The following PIP5K1B variants were observed in gnomAD, a reference collection of about 807,000 sequenced individuals.
The protein encoded by PIP5K1B is phosphatidylinositol 4-phosphate 5-kinase type-1 beta.
In PIP5K1B, 42 loss-of-function variants were observed where a neutral mutation model predicts 67.0. That is an observed-to-expected ratio of 0.63 (90% CI 0.49 to 0.81). The LOEUF (loss-of-function observed/expected upper bound fraction) is 0.81. Ranked by LOEUF, PIP5K1B falls within the 30% of genes least tolerant of loss-of-function variation. PIP5K1B has a pLI of 0.00. For synonymous variants in PIP5K1B, 214 were observed against 231.4 expected (o/e 0.92, Z 0.68); for missense variants, 459 against 646.3 (o/e 0.71, Z 3.14).
chr9:68,948,044 C>A (rs1421279770), intron 14 of PIP5K1B, among the ~76,000 whole-genome samples: 2 of 152,198 alleles, frequency 1.3e-5, no homozygotes, highest in Non-Finnish European at 2.9e-5. Context: ...ACCACCCCTG[C>A]AACATCTTAT....
At chr9:68,973,679 G>A (rs959986903) in intron 14 of PIP5K1B, among the ~76,000 whole-genome samples, 1 of 152,206 alleles carries the variant, frequency 6.6e-6, no homozygotes, top group Non-Finnish European at 1.5e-5. Context: ...TTTCTGGAAG[G>A]TAGGATTTAT....
At chr9:69,000,169 A>G (rs1418164895) in intron 15 of PIP5K1B, among the ~76,000 whole-genome samples, 1 of 152,140 alleles carries the variant, frequency 6.6e-6, no homozygotes, top group Non-Finnish European at 1.5e-5. Context: ...TTGGGATTCA[A>G]CACAGAAAAT....
intron 1 of PIP5K1B, among the ~76,000 whole-genome samples, chr9:68,733,596 T>C (rs962496029): frequency 6.6e-6 from 1 of 151,660 alleles, no homozygotes; most frequent in Non-Finnish European, 1.5e-5. Context: ...TCTTTTCTTC[T>C]GAGATCCCCA....
intron 15 of PIP5K1B, among the ~76,000 whole-genome samples, chr9:68,998,113 C>G (rs1218336390): frequency 6.6e-6 from 1 of 150,586 alleles, no homozygotes; most frequent in Non-Finnish European, 1.5e-5. Flanking sequence ...CTCTGTTGCC[C>G]AGGCAGAAGT....
chr9:68,998,836 A>G (rs1346893506), intron 15 of PIP5K1B, among the ~76,000 whole-genome samples: 1 of 152,232 alleles, frequency 6.6e-6, no homozygotes, highest in Non-Finnish European at 1.5e-5. Context: ...TATAAAAAAT[A>G]AAGCCCCCCA....
intron 8 of PIP5K1B, among the ~76,000 whole-genome samples, chr9:68,903,063 A>C (rs1212164852): frequency 6.6e-6 from 1 of 152,210 alleles, no homozygotes; most frequent in African/African-American, 2.4e-5. Context: ...GTGAGACTTC[A>C]TCTAAATCTA....
At chr9:68,795,569 G>T (rs758324564) in intron 2 of PIP5K1B, among the ~76,000 whole-genome samples, 1 of 152,172 alleles carries the variant, frequency 6.6e-6, no homozygotes, top group East Asian at 1.9e-4. Context: ...GATAGATAAC[G>T]CTTGGAAAAT....
intron 14 of PIP5K1B, among the ~76,000 whole-genome samples, chr9:68,961,803 C>T (rs1828763606): frequency 6.6e-6 from 1 of 152,166 alleles, no homozygotes; most frequent in African/African-American, 2.4e-5. Context: ...AATCTAGAGA[C>T]CTTCTGTTCC....
chr9:68,971,707 T>C (rs1294496500), intron 14 of PIP5K1B, among the ~76,000 whole-genome samples: 6 of 152,272 alleles, frequency 3.9e-5, no homozygotes, highest in Non-Finnish European at 8.8e-5. Flanking sequence ...TGAGATGGTA[T>C]CTCATTGTGG....
At chr9:68,979,398 C>T (rs1221597379) in intron 14 of PIP5K1B, among the ~76,000 whole-genome samples, 1 of 152,230 alleles carries the variant, frequency 6.6e-6, no homozygotes, top group Non-Finnish European at 1.5e-5. Context: ...GCTAGCTTTA[C>T]ACCTGTGCTT....
At chr9:68,718,673 T>C (rs1288198582) in intron 1 of PIP5K1B, among the ~76,000 whole-genome samples, 1 of 152,246 alleles carries the variant, frequency 6.6e-6, no homozygotes, top group African/African-American at 2.4e-5. Context: ...CATTGTCTCA[T>C]CTGTCCCTGA....
At chr9:68,921,141 A>G (rs906809593) in intron 11 of PIP5K1B, among the ~76,000 whole-genome samples, 2 of 152,088 alleles carry the variant, frequency 1.3e-5, no homozygotes, top group South Asian at 4.2e-4. Context: ...ACTTTTAAAC[A>G]ACAGGTTCAC....
rs142922008 is a variant in PIP5K1B at position 68,863,782 on chromosome 9, T to C, written c.70-55T>C. 214 of 1,541,866 alleles carry C rather than the reference T, an allele frequency of 1.4e-4. 2 individuals are homozygous for C. The East Asian group carries it at 4.3e-3, about 31-fold the overall frequency. ...CACTCATGTTTTGTTGCCTGTACCA[T>C]TGAACAAGGCCCTGACTGTTAAGAC... On this transcript the variant is annotated intron_variant, in intron 4 of 15. Coordinates refer to ENST00000265382, the MANE Select transcript of PIP5K1B (RefSeq NM_003558.4).
At chr9:68,770,229 T>C (rs1046632159) in intron 2 of PIP5K1B, among the ~76,000 whole-genome samples, 6 of 152,216 alleles carry the variant, frequency 3.9e-5, no homozygotes, top group African/African-American at 1.2e-4. Context: ...AATCACTGTT[T>C]CAAGCTGGTA....
At chr9:68,793,410 A>G (rs1564140604) in intron 2 of PIP5K1B, among the ~76,000 whole-genome samples, 1 of 152,210 alleles carries the variant, frequency 6.6e-6, no homozygotes, top group African/African-American at 2.4e-5. Context: ...GAGGCTATCC[A>G]GCAATCCAGG....
chr9:68,997,533 G>A (rs141310802), intron 15 of PIP5K1B, among the ~76,000 whole-genome samples: 3 of 152,258 alleles, frequency 2.0e-5, no homozygotes, highest in South Asian at 4.1e-4. Flanking sequence ...GGTGTAGAAG[G>A]CATTTGACCA....
intron 2 of PIP5K1B, among the ~76,000 whole-genome samples, chr9:68,785,325 C>T (rs1831548204): frequency 6.6e-6 from 1 of 152,152 alleles, no homozygotes; most frequent in African/African-American, 2.4e-5. Context: ...AGAATCTGGT[C>T]TCAATGTAGG....
At chr9:68,802,252 GT>G (rs1170567486) in intron 2 of PIP5K1B, among the ~76,000 whole-genome samples, 12 of 152,308 alleles carry the variant, frequency 7.9e-5, no homozygotes, top group Admixed American at 7.8e-4. Context: ...TGATTATCCA[GT>G]GCTAAAAGGA....
At chr9:68,951,973 T>C (rs1828097861) in intron 14 of PIP5K1B, among the ~76,000 whole-genome samples, 1 of 152,138 alleles carries the variant, frequency 6.6e-6, no homozygotes, top group African/African-American at 2.4e-5. Flanking sequence ...AGACGAAGAT[T>C]TAGCTGTCTT....
Sources: allele counts gnomAD v4.1 joint callset (sites outside exome capture counted in the v4.1 genomes callset), GRCh38; gene constraint gnomAD v4.1.1; transcripts MANE v1.5; gene names NCBI Gene and HGNC (gene_info 2026-07-23, HGNC 2026-07-21).